The following FUT9 variants were observed in gnomAD, a reference collection of about 807,000 sequenced individuals.
FUT9 encodes the protein 4-galactosyl-N-acetylglucosaminide 3-alpha-L-fucosyltransferase 9.
FUT9 carries 15 observed loss-of-function variants against 29.7 expected under a neutral mutation model. That is an observed-to-expected ratio of 0.51 (90% confidence interval 0.34 to 0.78). The LOEUF is 0.78. FUT9 is among the 30% of genes least tolerant of loss of function. FUT9 has a pLI of 0.01. For missense variants in FUT9, 319 were observed against 425.4 expected, an observed-to-expected ratio of 0.75 and a Z score of 2.20; for synonymous variants, 169 against 153.7, an observed-to-expected ratio of 1.10 and a Z score of -0.74.
chr6:96,162,671 T>G (rs933817129), intron 2 of FUT9, among the ~76,000 whole-genome samples: 10 of 152,188 alleles, frequency 6.6e-5, no homozygotes, highest in African/African-American at 1.2e-4. Context: ...TTAATGATTG[T>G]TATAGTAGTA....
At position 96,204,368 on chromosome 6, in the gene FUT9, T is replaced by C. The variant is rs1426808561; in HGVS notation, c.*133T>C. 1 of 575,184 alleles carries C rather than the reference T, an allele frequency of 1.7e-6. No individual in the cohort carries two copies. Among genetic ancestry groups the C allele is most frequent in the African/African-American group, 1.9e-5 (1 of 51,854 alleles). The allele number at this position is 575,184 out of a possible 1,614,324, so 35.6% of individuals were successfully genotyped here. ...ATCACCCTCTCTAGGGTAACGTGTA[T>C]ATTTTGGTGGAGATTTTTAAAAGCT... On this transcript the variant is annotated 3_prime_UTR_variant, in exon 3 of 3. Coordinates refer to ENST00000302103, the MANE Select transcript of FUT9 (RefSeq NM_006581.4).
intron 2 of FUT9, among the ~76,000 whole-genome samples, chr6:96,199,170 C>T (rs1773683852): frequency 6.6e-6 from 1 of 152,084 alleles, no homozygotes. Context: ...TTATTGCTAT[C>T]TCTGGTGAGC....
chr6:96,198,889 T>C (rs1317564001), intron 2 of FUT9, among the ~76,000 whole-genome samples: 3 of 152,162 alleles, frequency 2.0e-5, no homozygotes, highest in African/African-American at 4.8e-5. Flanking sequence ...CATTTTTTCA[T>C]GTGTTTTTTG....
chr6:96,143,960 G>A (rs1271994498), intron 2 of FUT9, among the ~76,000 whole-genome samples: 1 of 152,110 alleles, frequency 6.6e-6, no homozygotes, highest in Non-Finnish European at 1.5e-5. Context: ...TACTTAGAAA[G>A]CCCCAATTCA....
chr6:96,203,977 G>A lies in FUT9; in HGVS notation c.822G>A (p.Arg274=), dbSNP rs758325589. 1 of 1,613,184 alleles carries A rather than the reference G, an allele frequency of 6.2e-7. No individual in the cohort carries two copies. ...TACCTGTTGTTCTGGGACCATCTAG[G>A]GAAAACTATGAGAATTATATTCCAG... ...GSVPVVLGPS[R]ENYENYIPAD... Residue 274 remains arginine, a synonymous_variant, in exon 3 of 3, where the codon AGG becomes AGA. Coordinates refer to ENST00000302103, the MANE Select transcript of FUT9 (RefSeq NM_006581.4).
chr6:96,073,193 G>A lies in FUT9; in HGVS notation c.-97-40846G>A, dbSNP rs551898905. The stretch of plus-strand genomic sequence containing the variant: ...TGGCCAGGTGTGGTGGCTCATGCCC[G>A]TAATCTCAGCACTTTGGGGGGCCAA... On this transcript the variant is annotated intron_variant, in intron 1 of 2. Coordinates refer to ENST00000302103, the MANE Select transcript of FUT9 (RefSeq NM_006581.4). 6.6e-5 allele frequency among the ~76,000 whole-genome samples: 10 copies of A among 152,272 alleles called. No individual in the cohort carries two copies. In the East Asian group the frequency reaches 7.7e-4, roughly 12 times the overall value.
At chr6:96,039,902 T>G (rs925092570) in intron 1 of FUT9, among the ~76,000 whole-genome samples, 4 of 152,184 alleles carry the variant, frequency 2.6e-5, no homozygotes, top group African/African-American at 9.7e-5. Context: ...CTTTCTTGGC[T>G]TAAAATATGT....
intron 2 of FUT9, among the ~76,000 whole-genome samples, chr6:96,148,952 C>G (rs1772625491): frequency 6.6e-6 from 1 of 151,948 alleles, no homozygotes; most frequent in Non-Finnish European, 1.5e-5. Flanking sequence ...GTCAGGAGTT[C>G]GAGACCAGCT....
intron 1 of FUT9, among the ~76,000 whole-genome samples, chr6:96,034,546 A>G (rs1770319410): frequency 6.6e-6 from 1 of 151,744 alleles, no homozygotes; most frequent in African/African-American, 2.4e-5. Flanking sequence ...TTTCTATTGA[A>G]CTAGTGTGTA....
At chr6:96,150,281 G>A (rs983226035) in intron 2 of FUT9, among the ~76,000 whole-genome samples, 2 of 152,196 alleles carry the variant, frequency 1.3e-5, no homozygotes, top group African/African-American at 4.8e-5. Flanking sequence ...GGAAGTCATT[G>A]TAAACAAAGT....
At chr6:96,091,270 G>C (rs1029941181) in intron 1 of FUT9, among the ~76,000 whole-genome samples, 1 of 151,934 alleles carries the variant, frequency 6.6e-6, no homozygotes, top group Admixed American at 6.6e-5. Context: ...TTAACCATGA[G>C]AAGGTTAAAT....
At chr6:96,164,602 C>T (rs72922837) in intron 2 of FUT9, among the ~76,000 whole-genome samples, 5,985 of 152,170 alleles carry the variant, frequency 0.039, 204 homozygotes, top group South Asian at 0.13. Flanking sequence ...TCTTATCAGA[C>T]CTGAAGAGTC....
chr6:96,040,801 T>C (rs1308304878), intron 1 of FUT9, among the ~76,000 whole-genome samples: 1 of 152,176 alleles, frequency 6.6e-6, no homozygotes, highest in Non-Finnish European at 1.5e-5. Flanking sequence ...GGCTTAGTGG[T>C]AACATTCACC....
chr6:96,196,838 G>A (rs1184108926), intron 2 of FUT9, among the ~76,000 whole-genome samples: 1 of 152,146 alleles, frequency 6.6e-6, no homozygotes, highest in African/African-American at 2.4e-5. Flanking sequence ...CTGGAATGCA[G>A]GTCTTATGAC....
At chr6:96,173,536 C>T (rs1773150920) in intron 2 of FUT9, among the ~76,000 whole-genome samples, 1 of 152,006 alleles carries the variant, frequency 6.6e-6, no homozygotes, top group African/African-American at 2.4e-5. Flanking sequence ...TCAGTATGTT[C>T]TTTTCTCACT....
intron 2 of FUT9, among the ~76,000 whole-genome samples, chr6:96,187,240 G>A (rs1245297580): frequency 6.6e-6 from 1 of 152,106 alleles, no homozygotes; most frequent in Non-Finnish European, 1.5e-5. Context: ...GAAATGTTCT[G>A]GAAGAGATGC....
Position 96,117,447 on chromosome 6 carries a change from G to A in FUT9, c.-9+3320G>A, listed in dbSNP as rs537128303. Among the ~76,000 whole-genome samples the A allele has an allele frequency of 2.2e-4, 34 of 152,266 alleles. No homozygotes were observed. The South Asian group carries it at 6.8e-3, about 31-fold the overall frequency. On this transcript the variant is annotated intron_variant, in intron 2 of 2. Transcript: ENST00000302103. ...ATAACATTTATTAGCTCTATCTACTGAAAAGCTCTAGAAGCAGTGATACCA... is the reference window on the plus strand; with the variant it reads ...ATAACATTTATTAGCTCTATCTACTAAAAAGCTCTAGAAGCAGTGATACCA...
intron 2 of FUT9, among the ~76,000 whole-genome samples, chr6:96,194,899 G>A (rs1773595023): frequency 6.6e-6 from 1 of 152,104 alleles, no homozygotes. Context: ...GCATGAGCCA[G>A]GTTACATTTG....
intron 1 of FUT9, among the ~76,000 whole-genome samples, chr6:96,051,491 A>T (rs1770668770): frequency 2.0e-5 from 3 of 152,020 alleles, no homozygotes; most frequent in South Asian, 4.1e-4. Flanking sequence ...ACTCTAAAAA[A>T]AAATGAAGAA....
Sources: gnomAD v4.1 joint callset for allele counts (sites outside exome capture counted in the v4.1 genomes callset) on GRCh38, gnomAD v4.1.1 for gene constraint, MANE v1.5 for transcripts, NCBI Gene and HGNC (gene_info 2026-07-23, HGNC 2026-07-21) for gene names.